The following FUT4 variants were observed in gnomAD, a reference collection of about 807,000 sequenced individuals.
FUT4 encodes the protein alpha-(1,3)-fucosyltransferase 4.
FUT4 carries 1 observed loss-of-function variant against 3.8 expected under a neutral mutation model. The observed-to-expected ratio is 0.26, with a 90% CI of 0.09 to 1.25. The LOEUF is 1.25. Ranked by LOEUF, FUT4 falls within the 50% of genes most tolerant of loss-of-function variation. The pLI is 0.47. For synonymous variants in FUT4, 417 were observed against 355.3 expected (o/e 1.17, Z -1.95); for missense variants, 880 against 768.2 (o/e 1.15, Z -1.72).
At position 94,544,745 on chromosome 11, in the gene FUT4, C is replaced by T. The variant is rs1337534537; in HGVS notation, c.612C>T (p.Ala204=). 1 of 1,562,160 alleles carries T rather than the reference C, an allele frequency of 6.4e-7. No homozygotes were observed. Among genetic ancestry groups the T allele is most frequent in the Non-Finnish European group, 8.6e-7 (1 of 1,162,916 alleles). Residue 204 remains alanine, a synonymous_variant, in exon 1 of 1, where the codon GCC becomes GCT. Transcript: ENST00000358752. ...AGCCCTTCGGGGGGCGCGATAGCGCCCCGAGGCCGCCCCCTGACTGCCGGC... is the reference window on the plus strand; with the variant it reads ...AGCCCTTCGGGGGGCGCGATAGCGCTCCGAGGCCGCCCCCTGACTGCCGGC... ...WWEPFGGRDS[A]PRPPPDCRLR...
At position 94,546,045 on chromosome 11, in the gene FUT4, G is replaced by T; in HGVS notation, c.*319G>T. The T allele has an allele frequency of 2.3e-6, 1 of 439,942 alleles. No homozygotes were observed. Among genetic ancestry groups the T allele is most frequent in the Admixed American group, 3.4e-5 (1 of 29,414 alleles). The allele number at this position is 439,942 out of a possible 1,614,324, so 27.3% of individuals were successfully genotyped here. On this transcript the variant is annotated 3_prime_UTR_variant, in exon 1 of 1. Coordinates refer to ENST00000358752, the MANE Select transcript of FUT4 (RefSeq NM_002033.4). ...TAGCTTAGCGGCAAGAAGCCGTTGA[G>T]GCGGTTTCCTGAATTTCCCCATCTG...
In FUT4 at chr11:94,546,382, T is replaced by C. The variant is rs1039829425; in HGVS notation, c.*656T>C. The C allele has an allele frequency of 3.3e-5, 6 of 180,062 alleles. No homozygotes were observed. In the Admixed American group the frequency reaches 3.4e-4, roughly 10 times the overall value. 11.2% of individuals were successfully genotyped at this position (180,062 alleles called of 1,614,324 possible). On this transcript the variant is annotated 3_prime_UTR_variant, in exon 1 of 1. Transcript: ENST00000358752. Reference sequence around the variant, plus strand: ...TTGGAGGAAACTTAAGATGAATACATGCGTGTACCTCACTTTACATAAGAA... The same window carrying C: ...TTGGAGGAAACTTAAGATGAATACACGCGTGTACCTCACTTTACATAAGAA...
Position 94,545,380 on chromosome 11 carries a change from C to G in FUT4, c.1247C>G (p.Ser416Trp). Residue 416 changes from serine (S) to tryptophan (W), a missense_variant, in exon 1 of 1, where the codon TCG (serine) becomes TGG (tryptophan). By Grantham distance (177) the Ser-to-Trp change is radical (BLOSUM62 -3). Transcript: ENST00000358752. ...RYKFYLAFEN[S>W]QHLDYITEKL... Reference sequence around the variant, plus strand: ...AAGTTCTACCTGGCTTTCGAGAACTCGCAGCACCTGGATTATATCACCGAG... The same window carrying G: ...AAGTTCTACCTGGCTTTCGAGAACTGGCAGCACCTGGATTATATCACCGAG... 1 of 1,612,940 alleles carries G rather than the reference C, an allele frequency of 6.2e-7. No homozygotes were observed. Among genetic ancestry groups the G allele is most frequent in the Non-Finnish European group, 8.5e-7 (1 of 1,179,842 alleles).
chr11:94,547,444 T>C lies in FUT4; in HGVS notation c.*1718T>C, dbSNP rs988182802. On this transcript the variant is annotated 3_prime_UTR_variant, in exon 1 of 1. Coordinates refer to ENST00000358752, the MANE Select transcript of FUT4 (RefSeq NM_002033.4). ...TACAGAGTTCTGCTGTAAATAGTCATTTTGCATTTGATTAGTGCAGTTCTC... is the reference window on the plus strand; with the variant it reads ...TACAGAGTTCTGCTGTAAATAGTCACTTTGCATTTGATTAGTGCAGTTCTC... The C allele has an allele frequency of 2.5e-4, 41 of 166,924 alleles. No individual in the cohort carries two copies. Among genetic ancestry groups the C allele is most frequent in the African/African-American group, 9.4e-4 (39 of 41,468 alleles). 10.3% of individuals were successfully genotyped at this position (166,924 alleles called of 1,614,324 possible).
Position 94,547,281 on chromosome 11 carries a change from C to G in FUT4, c.*1555C>G, listed in dbSNP as rs991247878. ...GAACCTGTTTGATTACTGTGACAGTCTTAATGATACCATAAATCAATATTA... is the reference window on the plus strand; with the variant it reads ...GAACCTGTTTGATTACTGTGACAGTGTTAATGATACCATAAATCAATATTA... On this transcript the variant is annotated 3_prime_UTR_variant, in exon 1 of 1. Transcript: ENST00000358752. The G allele has an allele frequency of 6.0e-6, 1 of 166,908 alleles. No homozygotes were observed. The highest frequency in any genetic ancestry group is 1.5e-5 in the Non-Finnish European group (1 of 68,106). 10.3% of individuals were successfully genotyped at this position (166,908 alleles called of 1,614,324 possible). A position where few individuals can be genotyped will look rare whatever the true frequency, so the allele number is the denominator to read the frequency against.
In FUT4 at chr11:94,544,149, G is replaced by A; in HGVS notation, c.16G>A (p.Gly6Ser). Residue 6 changes from glycine (G) to serine (S), a missense_variant, in exon 1 of 1, where the codon GGC becomes AGC. Coordinates refer to ENST00000358752, the MANE Select transcript of FUT4 (RefSeq NM_002033.4). MRRLW[G>S]AARKPSGAGW... is the part of the protein sequence containing the mutation. Reference sequence around the variant, plus strand: ...AGAGTAGCGGATGAGGCGCTTGTGGGGCGCGGCCCGGAAGCCCTCGGGCGC... The same window carrying A: ...AGAGTAGCGGATGAGGCGCTTGTGGAGCGCGGCCCGGAAGCCCTCGGGCGC... 5 of 1,386,878 alleles carry A rather than the reference G, an allele frequency of 3.6e-6. No homozygotes were observed. The highest frequency in any genetic ancestry group is 4.7e-6 in the Non-Finnish European group (5 of 1,072,238). 85.9% of individuals were successfully genotyped at this position (1,386,878 alleles called of 1,614,324 possible).
chr11:94,544,345 G>C lies in FUT4; in HGVS notation c.212G>C (p.Gly71Ala). The change falls in exon 1 of 1, where the codon GGG becomes GCG. Residue 71 changes from glycine to alanine, a missense_variant. This residue lies in a region of FUT4 where 447 missense variants were observed against 339.5 expected (regional missense o/e 1.32). Coordinates refer to ENST00000358752, the MANE Select transcript of FUT4 (RefSeq NM_002033.4). ...ARPARHLGGA[G>A]QGPRPLHSGT... ...CCCGCCCGGCACTTGGGAGGAGCAG[G>C]GCAGGGCCCGCGGCCTTTGCATTCT... 1.3e-6 allele frequency: 2 copies of C among 1,551,056 alleles called. No homozygotes were observed. Among genetic ancestry groups the C allele is most frequent in the Non-Finnish European group, 1.7e-6 (2 of 1,155,758 alleles).
Position 94,548,237 on chromosome 11 carries a change from G to T in FUT4, c.*2511G>T, listed in dbSNP as rs975649394. 2 of 135,652 alleles carry T rather than the reference G, an allele frequency of 1.5e-5. No individual in the cohort carries two copies. Among genetic ancestry groups the T allele is most frequent in the Non-Finnish European group, 1.6e-5 (1 of 61,320 alleles). 8.4% of individuals were successfully genotyped at this position (135,652 alleles called of 1,614,324 possible). A position where few individuals can be genotyped will look rare whatever the true frequency, so the allele number is the denominator to read the frequency against. On this transcript the variant is annotated 3_prime_UTR_variant, in exon 1 of 1. Coordinates refer to ENST00000358752, the MANE Select transcript of FUT4 (RefSeq NM_002033.4). ...TTATGGAATAATTAGCATGAGGAAG[G>T]TATAATTGCATTTTTTTTTTTTTGA...
In FUT4 at chr11:94,545,534, C is replaced by T. The variant is rs199657418; in HGVS notation, c.1401C>T (p.Ser467=). 5 of 1,613,820 alleles carry T rather than the reference C, an allele frequency of 3.1e-6. No individual in the cohort carries two copies. The highest frequency in any genetic ancestry group is 1.6e-4 in the Middle Eastern group (1 of 6,062). ...IHVDDFPSAS[S]LASYLLFLDR... ...TGGACGACTTCCCAAGTGCCTCCTC[C>T]CTGGCCTCGTACCTGCTTTTCCTCG... The change falls in exon 1 of 1, where the codon TCC becomes TCT. Residue 467 remains serine (S), a synonymous_variant. Transcript: ENST00000358752.
In FUT4 at chr11:94,544,491, G is replaced by C. The variant is rs1473946348; in HGVS notation, c.358G>C (p.Ala120Pro). 1.4e-6 allele frequency: 2 copies of C among 1,473,148 alleles called. No homozygotes were observed. The highest frequency in any genetic ancestry group is 8.9e-7 in the Non-Finnish European group (1 of 1,118,850). The allele number at this position is 1,473,148 out of a possible 1,614,324, so 91.3% of individuals were successfully genotyped here. Residue 120 changes from alanine (A) to proline (P), a missense_variant, in exon 1 of 1, where the codon GCG becomes CCG. By Grantham distance (27) the Ala-to-Pro change is conservative (BLOSUM62 -1). Transcript: ENST00000358752. ...TPADAWRAEA[A>P]LPVRAMGAPW... The stretch of plus-strand genomic sequence containing the variant: ...TGCGGACGCGTGGCGAGCGGAGGCA[G>C]CGCTGCCTGTTCGCGCCATGGGGGC...
In FUT4 at chr11:94,544,679, G is replaced by T; in HGVS notation, c.546G>T (p.Ser182=). The T allele has an allele frequency of 6.5e-7, 1 of 1,533,486 alleles. No individual in the cohort carries two copies. The highest frequency in any genetic ancestry group is 2.3e-5 in the East Asian group (1 of 42,678). The allele number at this position is 1,533,486 out of a possible 1,614,324, so 95.0% of individuals were successfully genotyped here. A position where few individuals can be genotyped will look rare whatever the true frequency, so the allele number is the denominator to read the frequency against. ...WGQLPPLPWA[S]PTPSRPVGVL... Reference sequence around the variant, plus strand: ...AGCTGCCGCCGCTGCCCTGGGCGTCGCCAACCCCGTCGCGACCGGTGGGCG... The same window carrying T: ...AGCTGCCGCCGCTGCCCTGGGCGTCTCCAACCCCGTCGCGACCGGTGGGCG... The change falls in exon 1 of 1, where the codon TCG becomes TCT. Residue 182 remains serine (S), a synonymous_variant. Coordinates refer to ENST00000358752, the MANE Select transcript of FUT4 (RefSeq NM_002033.4).
Position 94,544,220 on chromosome 11 carries a change from G to T in FUT4, c.87G>T (p.Gly29=). The part of the protein sequence containing the change: ...EWAEAPQEAP[G]AWSGRLGPGR... The stretch of plus-strand genomic sequence containing the variant: ...CGGAGGCGCCGCAGGAGGCTCCCGG[G>T]GCCTGGTCGGGCCGGCTGGGCCCCG... Residue 29 remains glycine, a synonymous_variant, in exon 1 of 1, where the codon GGG becomes GGT. Coordinates refer to ENST00000358752, the MANE Select transcript of FUT4 (RefSeq NM_002033.4). 1 of 1,451,310 alleles carries T rather than the reference G, an allele frequency of 6.9e-7. No individual in the cohort carries two copies. Among genetic ancestry groups the T allele is most frequent in the East Asian group, 2.8e-5 (1 of 35,374 alleles). The allele number at this position is 1,451,310 out of a possible 1,614,324, so 89.9% of individuals were successfully genotyped here. A position where few individuals can be genotyped will look rare whatever the true frequency, so the allele number is the denominator to read the frequency against.
rs1947842753 is a variant in FUT4 at position 94,544,924 on chromosome 11, A to G, written c.791A>G (p.Asp264Gly). The change falls in exon 1 of 1, where the codon GAT becomes GGT. Residue 264 changes from aspartate to glycine, a missense_variant. By Grantham distance (94) the Asp-to-Gly change is moderately conservative. Transcript: ENST00000358752. ...CAGGCGCACACTGCCGAGGAGGTGG[A>G]TCTGCGCGTGTTGGACTACGAGGAG... Reference protein sequence around the residue: ...GIQAHTAEEVDLRVLDYEEAA... With the variant: ...GIQAHTAEEVGLRVLDYEEAA... The G allele has an allele frequency of 6.2e-7, 1 of 1,607,720 alleles. No individual in the cohort carries two copies. The highest frequency in any genetic ancestry group is 1.7e-5 in the Admixed American group (1 of 59,528).
Position 94,548,505 on chromosome 11 carries a change from G to A in FUT4, c.*2779G>A, listed in dbSNP as rs181096271. On this transcript the variant is annotated 3_prime_UTR_variant, in exon 1 of 1. Transcript: ENST00000358752. ...GATCCACCTGCCTCGGCCTCTCAGA[G>A]AGCTGGGATTACAGGTGTGAGCCGC... The A allele has an allele frequency of 6.1e-6, 1 of 162,960 alleles. No homozygotes were observed. The highest frequency in any genetic ancestry group is 1.5e-5 in the Non-Finnish European group (1 of 68,088). 10.1% of individuals were successfully genotyped at this position (162,960 alleles called of 1,614,324 possible). A position where few individuals can be genotyped will look rare whatever the true frequency, so the allele number is the denominator to read the frequency against.
chr11:94,545,693 C>A lies in FUT4; in HGVS notation c.1560C>A (p.Ser520Arg). 6.2e-7 allele frequency: 1 copy of A among 1,612,124 alleles called. No homozygotes were observed. The highest frequency in any genetic ancestry group is 8.5e-7 in the Non-Finnish European group (1 of 1,179,964). The change falls in exon 1 of 1, where the codon AGC becomes AGA. Residue 520 changes from serine to arginine, a missense_variant. By Grantham distance (110) the Ser-to-Arg change is moderately radical. Coordinates refer to ENST00000358752, the MANE Select transcript of FUT4 (RefSeq NM_002033.4). ...AVQRAGDRPK[S>R]IRNLASWFER is the part of the protein sequence containing the mutation. The stretch of plus-strand genomic sequence containing the variant: ...AGAGGGCTGGGGACCGGCCCAAGAG[C>A]ATACGGAACTTGGCCAGCTGGTTCG...
At position 94,544,995 on chromosome 11, in the gene FUT4, C is replaced by A; in HGVS notation, c.862C>A (p.Pro288Thr). The A allele has an allele frequency of 6.2e-7, 1 of 1,607,804 alleles. No homozygotes were observed. Among genetic ancestry groups the A allele is most frequent in the Non-Finnish European group, 8.5e-7 (1 of 1,177,078 alleles). ...EALATSSPRPPGQRWVWMNFE... is the reference protein window; with the variant it reads ...EALATSSPRPTGQRWVWMNFE... ...CCTGGCGACCTCCAGCCCCAGGCCC[C>A]CGGGCCAGCGCTGGGTTTGGATGAA... Residue 288 changes from proline (P) to threonine (T), a missense_variant, in exon 1 of 1, where the codon CCG (proline) becomes ACG (threonine). Transcript: ENST00000358752.
rs1199269748 is a variant in FUT4 at position 94,545,833 on chromosome 11, C to T, written c.*107C>T. 1.5e-6 allele frequency: 2 copies of T among 1,339,084 alleles called. No individual in the cohort carries two copies. The highest frequency in any genetic ancestry group is 3.9e-5 in the Admixed American group (2 of 50,764). The allele number at this position is 1,339,084 out of a possible 1,614,324, so 83.0% of individuals were successfully genotyped here. Reference sequence around the variant, plus strand: ...GCATCATGGGAGTAAGTTCTTCAAACACCCATTTTTGCTCTATGGGAAAAA... The same window carrying T: ...GCATCATGGGAGTAAGTTCTTCAAATACCCATTTTTGCTCTATGGGAAAAA... On this transcript the variant is annotated 3_prime_UTR_variant, in exon 1 of 1. Coordinates refer to ENST00000358752, the MANE Select transcript of FUT4 (RefSeq NM_002033.4).
Position 94,545,605 on chromosome 11 carries a change from G to A in FUT4, c.1472G>A (p.Ser491Asn). The A allele has an allele frequency of 6.2e-7, 1 of 1,613,456 alleles. No homozygotes were observed. Among genetic ancestry groups the A allele is most frequent in the African/African-American group, 1.3e-5 (1 of 75,074 alleles). ...VYRRYFHWRRSYAVHITSFWD... is the reference protein window; with the variant it reads ...VYRRYFHWRRNYAVHITSFWD... ...CGCCGCTACTTCCACTGGCGCCGGA[G>A]CTACGCTGTCCACATCACCTCCTTC... The change falls in exon 1 of 1, where the codon AGC becomes AAC. Residue 491 changes from serine to asparagine, a missense_variant. Physicochemically the swap from Ser to Asn is conservative, Grantham distance 46. This residue lies in a region of FUT4 where 424 missense variants were observed against 400.4 expected (regional missense o/e 1.06). Transcript: ENST00000358752.
In FUT4 at chr11:94,544,128, T is replaced by C; in HGVS notation, c.-6T>C. ...GGATCAGTTGAGAGAGAATCAAGAG[T>C]AGCGGATGAGGCGCTTGTGGGGCGC... On this transcript the variant is annotated 5_prime_UTR_variant, in exon 1 of 1. Coordinates refer to ENST00000358752, the MANE Select transcript of FUT4 (RefSeq NM_002033.4). 2 of 1,384,302 alleles carry C rather than the reference T, an allele frequency of 1.4e-6. No individual in the cohort carries two copies. The highest frequency in any genetic ancestry group is 1.9e-6 in the Non-Finnish European group (2 of 1,070,806). 85.8% of individuals were successfully genotyped at this position (1,384,302 alleles called of 1,614,324 possible).
Sources: allele counts gnomAD v4.1 joint callset, GRCh38; gene constraint gnomAD v4.1.1; regional missense constraint gnomAD v4.1.1; transcripts MANE v1.5; gene names NCBI Gene and HGNC (gene_info 2026-07-23, HGNC 2026-07-21).